OSBPL10: variants seen among roughly 807,000 people sequenced by gnomAD.
OSBPL10 encodes the protein oxysterol binding protein like 10.
In OSBPL10, 49 loss-of-function variants were observed where a neutral mutation model predicts 81.7. The ratio of observed to expected loss-of-function variants is 0.60; its 90% CI spans 0.48 to 0.76. OSBPL10 has a LOEUF of 0.76. OSBPL10 is among the 30% of genes least tolerant of loss of function. The pLI is 0.00. For synonymous variants in OSBPL10, 419 were observed against 383.6 expected, an observed-to-expected ratio of 1.09 and a Z score of -1.08; for missense variants, 923 against 987.8, an observed-to-expected ratio of 0.93 and a Z score of 0.88.
At chr3:31,788,700 C>G (rs1402344009) in intron 4 of OSBPL10, among the ~76,000 whole-genome samples, 1 of 152,074 alleles carries the variant, frequency 6.6e-6, no homozygotes, top group African/African-American at 2.4e-5. Flanking sequence ...ATCACTTGAG[C>G]CCAGGAGTTC....
chr3:32,026,057 T>TAGATAGATAGATGATAGATA (rs58717718), intron 2 of OSBPL10, among the ~76,000 whole-genome samples: 15 of 111,232 alleles, frequency 1.3e-4, no homozygotes, highest in African/African-American at 3.4e-4. Flanking sequence ...GATAGATAGA[T>TAGATAGATAGATGATAGATA]GATAGATAGA....
chr3:31,907,188 T>C (rs763767032), intron 1 of OSBPL10, among the ~76,000 whole-genome samples: 4 of 152,150 alleles, frequency 2.6e-5, no homozygotes, highest in Admixed American at 6.5e-5. Flanking sequence ...AAAGGCCCCA[T>C]GGTATCAGAC....
At chr3:31,718,283 A>T (rs1696517988) in intron 6 of OSBPL10, 1 of 152,242 alleles carries the variant, frequency 6.6e-6, no homozygotes, top group South Asian at 2.1e-4. Flanking sequence ...ACGTGGCACC[A>T]CACCCAGCTA....
chr3:32,019,693 A>G (rs2125544445), intron 2 of OSBPL10, among the ~76,000 whole-genome samples: 1 of 152,358 alleles, frequency 6.6e-6, no homozygotes, highest in South Asian at 2.1e-4. Flanking sequence ...AAAAGATTCA[A>G]CACAATTTTT....
chr3:31,989,368 A>T, intron 2 of OSBPL10: 2 of 1,614,216 alleles, frequency 1.2e-6, no homozygotes, highest in Non-Finnish European at 1.7e-6. Context: ...AAGTCATCAC[A>T]TTGGAGATTT....
chr3:31,990,451 G>A lies in OSBPL10; in HGVS notation n.298+56040C>T, dbSNP rs1559544556. 3.2e-6 allele frequency: 5 copies of A among 1,569,110 alleles called. No homozygotes were observed. In the Admixed American group the frequency reaches 5.1e-5, roughly 16 times the overall value. ...TGGAGAGAAACCTTACAAGTGTAAT[G>A]AGTGTGGCAAGACCTTCCATCACAA... On this transcript the variant is annotated intron_variant and non_coding_transcript_variant, in intron 2 of 3. Coordinates refer to the OSBPL10 transcript ENST00000479173.
chr3:32,011,093 G>C (rs1699251524), intron 2 of OSBPL10, among the ~76,000 whole-genome samples: 2 of 152,194 alleles, frequency 1.3e-5, no homozygotes, highest in Admixed American at 6.5e-5. Flanking sequence ...GAAGAGAGTA[G>C]TGGTTCTCCC....
chr3:31,792,740 AGTGTGTGTGTGTGTGTGTGT>A (rs10575874), intron 4 of OSBPL10, among the ~76,000 whole-genome samples: 14 of 133,604 alleles, frequency 1.0e-4, no homozygotes, highest in South Asian at 2.8e-4. Context: ...CCAGACACAG[AGTGTGTGTGTGTGTGTGTGT>A]GTGTGTGTGT....
chr3:31,855,438 C>T (rs1419784212), intron 3 of OSBPL10, among the ~76,000 whole-genome samples: 2 of 152,038 alleles, frequency 1.3e-5, no homozygotes, highest in Admixed American at 1.3e-4. Context: ...AGTAGGAATA[C>T]CTTAAAATAT....
chr3:31,774,766 C>T (rs951235101), intron 4 of OSBPL10, among the ~76,000 whole-genome samples: 2 of 151,584 alleles, frequency 1.3e-5, no homozygotes, highest in Non-Finnish European at 2.9e-5. Context: ...CCGCCTCAGC[C>T]TCCCAAAGTG....
intron 3 of OSBPL10, among the ~76,000 whole-genome samples, chr3:31,857,502 G>C (rs377032177): frequency 6.6e-6 from 1 of 151,598 alleles, no homozygotes; most frequent in East Asian, 2.0e-4. Context: ...AAGATAAAAC[G>C]ACCAACTCAA....
At chr3:31,706,075 G>A (rs1282441244) in intron 6 of OSBPL10, among the ~76,000 whole-genome samples, 2 of 152,148 alleles carry the variant, frequency 1.3e-5, no homozygotes, top group East Asian at 1.9e-4. Flanking sequence ...CAGAAATTAC[G>A]ACAATATTTC....
chr3:31,951,609 T>A (rs1489827259), intron 1 of OSBPL10, among the ~76,000 whole-genome samples: 2 of 151,768 alleles, frequency 1.3e-5, no homozygotes, highest in African/African-American at 2.4e-5. Context: ...TTCTTTAATA[T>A]AAATCAATTA....
At chr3:31,783,403 G>A (rs1698755111) in intron 4 of OSBPL10, among the ~76,000 whole-genome samples, 1 of 151,876 alleles carries the variant, frequency 6.6e-6, no homozygotes, top group Admixed American at 6.6e-5. Context: ...ATTGGGTACA[G>A]TGTGCACTGC....
intron 2 of OSBPL10, among the ~76,000 whole-genome samples, chr3:31,877,078 G>A (rs1701493853): frequency 6.6e-6 from 1 of 151,622 alleles, no homozygotes; most frequent in Admixed American, 6.6e-5. Context: ...TATTTTTTTT[G>A]TATTTTTTAG....
chr3:31,674,536 G>A (rs1479499679), intron 8 of OSBPL10, among the ~76,000 whole-genome samples: 4 of 152,048 alleles, frequency 2.6e-5, no homozygotes, highest in African/African-American at 9.7e-5. Flanking sequence ...CTCCAGCCTG[G>A]ACAACAGAGT....
chr3:31,772,705 A>G (rs1474344766), intron 4 of OSBPL10, among the ~76,000 whole-genome samples: 2 of 152,228 alleles, frequency 1.3e-5, no homozygotes, highest in Admixed American at 6.5e-5. Flanking sequence ...CTCTGGGAAC[A>G]TGTGCATCCA....
At chr3:32,053,164 T>C (rs1451603500) in intron 1 of OSBPL10, among the ~76,000 whole-genome samples, 1 of 151,980 alleles carries the variant, frequency 6.6e-6, no homozygotes, top group African/African-American at 2.4e-5. Flanking sequence ...TCACCAAAAG[T>C]AAAAGTTGCT....
intron 7 of OSBPL10, among the ~76,000 whole-genome samples, chr3:31,696,466 C>A (rs1224515718): frequency 6.6e-6 from 1 of 152,264 alleles, no homozygotes; most frequent in Non-Finnish European, 1.5e-5. Context: ...CTTGAATGCA[C>A]TCCCATCAGA....
Sources: allele counts gnomAD v4.1 joint callset (sites outside exome capture counted in the v4.1 genomes callset), GRCh38; gene constraint gnomAD v4.1.1; transcripts MANE v1.5; gene names NCBI Gene and HGNC (gene_info 2026-07-23, HGNC 2026-07-21).